Variants in PDE1C observed in about 807,000 individuals in gnomAD.
PDE1C encodes the protein dual specificity calcium/calmodulin-dependent 3',5'-cyclic nucleotide phosphodiesterase 1C.
Under a neutral mutation model 93.1 loss-of-function variants are expected in PDE1C, and 62 were observed. The observed-to-expected ratio is 0.67, with a 90% CI of 0.54 to 0.82. The LOEUF (loss-of-function observed/expected upper bound fraction) is 0.82. Among genes scored for constraint, PDE1C ranks in the 40% least tolerant of loss-of-function variants. PDE1C has a pLI of 0.00. For missense variants in PDE1C, 742 were observed against 884.6 expected (o/e 0.84, Z 2.04); for synonymous variants, 325 against 310.1 (o/e 1.05, Z -0.50).
intron 2 of PDE1C, among the ~76,000 whole-genome samples, chr7:31,964,938 A>C (rs554667297): frequency 6.6e-6 from 1 of 152,336 alleles, no homozygotes; most frequent in South Asian, 2.1e-4. Flanking sequence ...AAGGACATCC[A>C]CACCAAAAAC....
intron 3 of PDE1C, among the ~76,000 whole-genome samples, chr7:32,163,351 C>T (rs1404686584): frequency 6.6e-6 from 1 of 152,128 alleles, no homozygotes; most frequent in Non-Finnish European, 1.5e-5. Context: ...GGCAGCAGCC[C>T]CTAGTGGAAA....
At chr7:31,755,275 C>T (rs1224570568) in intron 17 of PDE1C, among the ~76,000 whole-genome samples, 1 of 152,140 alleles carries the variant, frequency 6.6e-6, no homozygotes, top group Admixed American at 6.5e-5. Context: ...AATAGAGATA[C>T]AGGTGATTAT....
intron 2 of PDE1C, among the ~76,000 whole-genome samples, chr7:31,913,253 TC>T (rs1801473866): frequency 6.6e-6 from 1 of 152,196 alleles, no homozygotes; most frequent in Non-Finnish European, 1.5e-5. Context: ...CCATTTTAGC[TC>T]CCTGTGTAGT....
intron 16 of PDE1C, among the ~76,000 whole-genome samples, chr7:31,792,536 G>T (rs1784706299): frequency 6.6e-6 from 1 of 152,024 alleles, no homozygotes; most frequent in South Asian, 2.1e-4. Context: ...GGTATGATAT[G>T]TCAAAATATT....
intron 17 of PDE1C, among the ~76,000 whole-genome samples, chr7:31,767,696 A>G (rs766332760): frequency 6.6e-6 from 1 of 152,254 alleles, no homozygotes; most frequent in Non-Finnish European, 1.5e-5. Context: ...GGTTACAAAC[A>G]ACAGAAATTT....
intron 1 of PDE1C, among the ~76,000 whole-genome samples, chr7:32,310,335 C>A (rs11766370): frequency 2.2e-4 from 34 of 152,028 alleles, no homozygotes; most frequent in African/African-American, 4.8e-4. Flanking sequence ...AACATTAGAC[C>A]GATCAATGAG....
At chr7:31,826,515 A>T (rs192868905) in intron 12 of PDE1C, among the ~76,000 whole-genome samples, 18 of 152,218 alleles carry the variant, frequency 1.2e-4, no homozygotes, top group Non-Finnish European at 2.1e-4. Flanking sequence ...CTGACAAATT[A>T]AGCTCAACAT....
chr7:31,657,444 T>A, the PDE1C span, among the ~76,000 whole-genome samples: 1 of 152,210 alleles, frequency 6.6e-6, no homozygotes, highest in African/African-American at 2.4e-5. Flanking sequence ...TTGAAAAACA[T>A]TGCACTGTGC....
chr7:31,629,138 G>T, the PDE1C span, among the ~76,000 whole-genome samples: 1 of 152,046 alleles, frequency 6.6e-6, no homozygotes, highest in Non-Finnish European at 1.5e-5. Context: ...GTAAGCACTG[G>T]ATCTAAATTA....
In PDE1C at chr7:31,961,983, G is replaced by T. The variant is rs189228390; in HGVS notation, c.129-81123C>A. 7.9e-5 allele frequency among the ~76,000 whole-genome samples: 12 copies of T among 152,272 alleles called. No individual in the cohort carries two copies. In the East Asian group the frequency reaches 1.7e-3, roughly 22 times the overall value. ...TTCCAGCCTCAAGACAAAACTTATA[G>T]CTAGTGATCTCTGTAAAATCTAGAG... On this transcript the variant is annotated intron_variant, in intron 2 of 17. Coordinates refer to ENST00000396191, the MANE Select transcript of PDE1C (RefSeq NM_001191057.4).
the PDE1C span, chr7:31,651,083 T>G: frequency 1.0e-5 from 16 of 1,567,814 alleles, no homozygotes; most frequent in Middle Eastern, 5.1e-4. Flanking sequence ...TCCACCATGG[T>G]GAGCTCTTGC....
At chr7:31,998,222 T>C (rs1784997720) in intron 2 of PDE1C, among the ~76,000 whole-genome samples, 1 of 152,100 alleles carries the variant, frequency 6.6e-6, no homozygotes. Context: ...GGTTTCACCA[T>C]GTTAGCCAGG....
intron 1 of PDE1C, among the ~76,000 whole-genome samples, chr7:32,285,914 C>T (rs543653720): frequency 9.3e-4 from 142 of 152,222 alleles, no homozygotes; most frequent in African/African-American, 3.2e-3. Flanking sequence ...TATCTTCATC[C>T]TTTATAAATC....
rs1459800117 is a variant in PDE1C at position 31,879,082 on chromosome 7, C to T, written c.339G>A (p.Gln113=). 1.2e-6 allele frequency: 2 copies of T among 1,614,174 alleles called. No individual in the cohort carries two copies. The highest frequency in any genetic ancestry group is 1.7e-6 in the Non-Finnish European group (2 of 1,180,010). Residue 113 remains glutamine, a synonymous_variant, in exon 4 of 18, where the codon CAG becomes CAA. Transcript: ENST00000396191. ...CGCTCCTCCTGAGCATCATCCCCATCTGCCGCGTGAAGGTGGAGGCCAGCC... is the reference window on the plus strand; with the variant it reads ...CGCTCCTCCTGAGCATCATCCCCATTTGCCGCGTGAAGGTGGAGGCCAGCC... The part of the protein sequence containing the change: ...RDWLASTFTR[Q]MGMMLRRSDE...
chr7:32,092,814 G>A (rs1358441996), intron 3 of PDE1C, among the ~76,000 whole-genome samples: 3 of 151,546 alleles, frequency 2.0e-5, no homozygotes, highest in Admixed American at 6.6e-5. Context: ...ACTATGTTGA[G>A]TATTCTTACC....
chr7:31,975,660 TA>T (rs1365322247), intron 2 of PDE1C, among the ~76,000 whole-genome samples: 1 of 152,192 alleles, frequency 6.6e-6, no homozygotes, highest in African/African-American at 2.4e-5. Flanking sequence ...CCACTTACTA[TA>T]TATATGACTA....
intron 15 of PDE1C, among the ~76,000 whole-genome samples, chr7:31,809,983 T>G (rs1019388982): frequency 1.3e-5 from 2 of 152,124 alleles, no homozygotes; most frequent in Admixed American, 6.6e-5. Context: ...TCTTGAAACA[T>G]GGCCACACTT....
chr7:32,147,719 G>A (rs1269089368), intron 3 of PDE1C, among the ~76,000 whole-genome samples: 1 of 150,884 alleles, frequency 6.6e-6, no homozygotes, highest in East Asian at 2.0e-4. Context: ...TCCAAGCATT[G>A]AGACAACCAC....
At chr7:32,331,670 T>C (rs573830511) in intron 1 of PDE1C, among the ~76,000 whole-genome samples, 31 of 152,228 alleles carry the variant, frequency 2.0e-4, no homozygotes, top group Non-Finnish European at 3.8e-4. Context: ...AGTGGGGCGA[T>C]GTGATCCAAT....
Sources: gnomAD v4.1 joint callset for allele counts (sites outside exome capture counted in the v4.1 genomes callset) on GRCh38, gnomAD v4.1.1 for gene constraint, MANE v1.5 for transcripts, NCBI Gene and HGNC (gene_info 2026-07-23, HGNC 2026-07-21) for gene names.